AGMO: variants seen among roughly 807,000 people sequenced by gnomAD.
AGMO encodes the protein alkylglycerol monooxygenase.
AGMO carries 75 observed loss-of-function variants against 60.2 expected under a neutral mutation model. That is an observed-to-expected ratio of 1.25 (90% CI 1.03 to 1.51). The LOEUF (loss-of-function observed/expected upper bound fraction) is 1.51, where lower values mean the gene tolerates loss of function less well. Ranked by LOEUF, AGMO falls within the 40% of genes most tolerant of loss-of-function variation. The pLI is 0.00. For missense variants in AGMO, 763 were observed against 525.5 expected, an observed-to-expected ratio of 1.45 and a Z score of -4.42; for synonymous variants, 261 against 177.1, an observed-to-expected ratio of 1.47 and a Z score of -3.76.
chr7:15,491,307 C>T (rs1449120868), intron 3 of AGMO, among the ~76,000 whole-genome samples: 1 of 152,092 alleles, frequency 6.6e-6, no homozygotes, highest in Non-Finnish European at 1.5e-5. Flanking sequence ...GCAAATTATA[C>T]TGGGTGTTGT....
chr7:15,491,963 T>C (rs1370992482), intron 3 of AGMO, among the ~76,000 whole-genome samples: 1 of 152,202 alleles, frequency 6.6e-6, no homozygotes, highest in Non-Finnish European at 1.5e-5. Context: ...AGACCAAAGT[T>C]AGAAACATTC....
chr7:15,514,399 T>C (rs756600401), intron 3 of AGMO, among the ~76,000 whole-genome samples: 20 of 152,178 alleles, frequency 1.3e-4, no homozygotes, highest in South Asian at 2.1e-4. Context: ...AGTATGAATA[T>C]GGTATTTAGT....
intron 6 of AGMO, among the ~76,000 whole-genome samples, chr7:15,392,930 A>G (rs965928012): frequency 9.2e-5 from 14 of 152,376 alleles, no homozygotes; most frequent in African/African-American, 3.4e-4. Flanking sequence ...CTAGACAAAA[A>G]TCATCTAATA....
chr7:15,325,717 C>A (rs1781317622), intron 12 of AGMO, among the ~76,000 whole-genome samples: 1 of 152,128 alleles, frequency 6.6e-6, no homozygotes, highest in Non-Finnish European at 1.5e-5. Context: ...TATCAGCTCA[C>A]ATTTTACTTT....
chr7:15,466,096 A>G (rs907859025), intron 3 of AGMO, among the ~76,000 whole-genome samples: 2 of 152,158 alleles, frequency 1.3e-5, no homozygotes, highest in Non-Finnish European at 2.9e-5. Flanking sequence ...TATTTTTCTG[A>G]AGCCTACTCT....
chr7:15,552,155 A>G (rs1266932735), intron 2 of AGMO, among the ~76,000 whole-genome samples: 2 of 152,198 alleles, frequency 1.3e-5, no homozygotes, highest in Admixed American at 6.5e-5. Context: ...CTTACACCCT[A>G]TACAAAAATC....
intron 12 of AGMO, among the ~76,000 whole-genome samples, chr7:15,258,517 T>C (rs1264497439): frequency 1.3e-5 from 2 of 150,612 alleles, no homozygotes; most frequent in African/African-American, 4.9e-5. Flanking sequence ...TGCACTCCAA[T>C]CCAGCCTGGC....
intron 10 of AGMO, among the ~76,000 whole-genome samples, chr7:15,373,050 G>C (rs954617161): frequency 6.6e-6 from 1 of 152,092 alleles, no homozygotes; most frequent in Non-Finnish European, 1.5e-5. Context: ...ATTCACTTGA[G>C]GCCAGGAGTT....
chr7:15,467,405 C>T (rs1782323136), intron 3 of AGMO, among the ~76,000 whole-genome samples: 1 of 152,186 alleles, frequency 6.6e-6, no homozygotes, highest in Admixed American at 6.5e-5. Context: ...AATATTTGTT[C>T]TGACAATATA....
chr7:15,222,690 G>C (rs1168451342), intron 12 of AGMO, among the ~76,000 whole-genome samples: 1 of 151,838 alleles, frequency 6.6e-6, no homozygotes, highest in Admixed American at 6.6e-5. Context: ...GGAAAGTTTG[G>C]CACTACAAAT....
At position 15,299,457 on chromosome 7, in the gene AGMO, G is replaced by A. The variant is rs1784496206; in HGVS notation, c.1263+66057C>T. Reference sequence around the variant, plus strand: ...AACTCTATCTCAGCACCTAATCTATGAGTACTAAGGACTGATATCCATTTC... The same window carrying A: ...AACTCTATCTCAGCACCTAATCTATAAGTACTAAGGACTGATATCCATTTC... On this transcript the variant is annotated intron_variant, in intron 12 of 12. Coordinates refer to ENST00000342526, the MANE Select transcript of AGMO (RefSeq NM_001004320.2). Among the ~76,000 whole-genome samples, 3 of 152,116 alleles carry A rather than the reference G, an allele frequency of 2.0e-5. No individual in the cohort carries two copies. The South Asian group carries it at 6.2e-4, about 31-fold the overall frequency.
chr7:15,375,708 A>G (rs959408308), intron 10 of AGMO, among the ~76,000 whole-genome samples: 5 of 152,100 alleles, frequency 3.3e-5, no homozygotes, highest in Non-Finnish European at 7.4e-5. Context: ...TTCACGTGGA[A>G]TACTTTTAAT....
Position 15,385,525 on chromosome 7 carries a change from G to C in AGMO, c.995C>G (p.Ser332Cys), listed in dbSNP as rs751479599. Residue 332 changes from serine to cysteine, a missense_variant, in exon 10 of 13, where the codon TCT (serine) becomes TGT (cysteine). Coordinates refer to ENST00000342526, the MANE Select transcript of AGMO (RefSeq NM_001004320.2). ...AACTGTATATATCTTTAATAGCTGAGATGAAGATGATGAGAAGGGAACTTC... is the reference window on the plus strand; with the variant it reads ...AACTGTATATATCTTTAATAGCTGACATGAAGATGATGAGAAGGGAACTTC... Reference protein sequence around the residue: ...GKEVPFSSSSSQLLKIYTVVQ... With the variant: ...GKEVPFSSSSCQLLKIYTVVQ... The C allele has an allele frequency of 6.2e-7, 1 of 1,613,100 alleles. No individual in the cohort carries two copies. Among genetic ancestry groups the C allele is most frequent in the South Asian group, 1.1e-5 (1 of 90,992 alleles).
intron 12 of AGMO, among the ~76,000 whole-genome samples, chr7:15,275,256 T>C (rs912586423): frequency 2.5e-4 from 38 of 152,168 alleles, no homozygotes; most frequent in African/African-American, 8.4e-4. Context: ...TTATGTCTCC[T>C]CATTCAAGAT....
intron 12 of AGMO, among the ~76,000 whole-genome samples, chr7:15,286,001 C>T (rs1009871554): frequency 1.3e-5 from 2 of 152,048 alleles, no homozygotes; most frequent in Non-Finnish European, 2.9e-5. Context: ...ATAAATGTTG[C>T]TGTGAAAACT....
At chr7:15,320,341 T>C (rs1289504192) in intron 12 of AGMO, among the ~76,000 whole-genome samples, 2 of 152,000 alleles carry the variant, frequency 1.3e-5, no homozygotes, top group African/African-American at 4.8e-5. Flanking sequence ...AAACAAATTT[T>C]CACAGTAGCC....
intron 3 of AGMO, among the ~76,000 whole-genome samples, chr7:15,541,415 C>T (rs1784628902): frequency 6.6e-6 from 1 of 152,182 alleles, no homozygotes; most frequent in African/African-American, 2.4e-5. Context: ...CCACTGTGTC[C>T]AGCCTAATGC....
At position 15,354,316 on chromosome 7, in the gene AGMO, G is replaced by A. The variant is rs1486110048; in HGVS notation, c.1263+11198C>T. ...TAAATATATATACGTGTATACACGC[G>A]TGTATATACGTACGCGTGTATATAC... On this transcript the variant is annotated intron_variant, in intron 12 of 12. Transcript: ENST00000342526. Among the ~76,000 whole-genome samples the A allele has an allele frequency of 3.3e-4, 34 of 102,486 alleles. 5 individuals carry two copies. Among genetic ancestry groups the A allele is most frequent in the Admixed American group, 2.8e-3 (30 of 10,680 alleles). 67.2% of individuals were successfully genotyped at this position (102,486 alleles called of 152,430 possible). A position where few individuals can be genotyped will look rare whatever the true frequency, so the allele number is the denominator to read the frequency against.
At chr7:15,260,659 C>A (rs574474958) in intron 12 of AGMO, among the ~76,000 whole-genome samples, 1 of 152,014 alleles carries the variant, frequency 6.6e-6, no homozygotes, top group African/African-American at 2.4e-5. Flanking sequence ...TACCCTACAA[C>A]AAATGGACTT....
Sources: allele counts gnomAD v4.1 joint callset (sites outside exome capture counted in the v4.1 genomes callset), GRCh38; gene constraint gnomAD v4.1.1; transcripts MANE v1.5; gene names NCBI Gene and HGNC (gene_info 2026-07-23, HGNC 2026-07-21).